The following IQCH variants were observed in gnomAD, a reference collection of about 807,000 sequenced individuals.
The protein encoded by IQCH is IQ domain-containing protein H.
A neutral mutation model predicts 117.0 loss-of-function variants in IQCH; 98 were observed. That is an observed-to-expected ratio of 0.84 (90% CI 0.71 to 0.99). IQCH has a LOEUF of 0.99. Among genes scored for constraint, IQCH ranks in the 50% least tolerant of loss-of-function variants. The probability of loss-of-function intolerance (pLI) is 0.00; values close to 1 mark genes in which losing one functional copy is unlikely to be tolerated. For synonymous variants in IQCH, 412 were observed against 448.2 expected, an observed-to-expected ratio of 0.92 and a Z score of 1.02; for missense variants, 1,102 against 1,243.8, an observed-to-expected ratio of 0.89 and a Z score of 1.72.
At position 67,256,573 on chromosome 15, in the gene IQCH, C is replaced by T. The variant is rs187732956; in HGVS notation, c.51+1626C>T. ...CATCCCAGGCGCCTAGAGATCACCT[C>T]CCAGTAGCCAGGAGCGAAGACTGGA... On this transcript the variant is annotated intron_variant, in intron 1 of 20. Transcript: ENST00000335894. Among the ~76,000 whole-genome samples, 992 of 152,300 alleles carry T rather than the reference C, an allele frequency of 6.5e-3. 5 individuals carry two copies. The highest frequency in any genetic ancestry group is 8.4e-3 in the Non-Finnish European group (571 of 68,030).
intron 16 of IQCH, among the ~76,000 whole-genome samples, chr15:67,460,617 A>G (rs2082768899): frequency 2.0e-5 from 3 of 152,136 alleles, no homozygotes; most frequent in Admixed American, 2.0e-4. Context: ...CTTAATATAA[A>G]TCTCTCTAGC....
chr15:67,255,056 ACTCC>A, intron 1 of IQCH, 109 bp downstream of exon 1: 1 of 1,049,942 alleles, frequency 9.5e-7, no homozygotes, highest in Non-Finnish European at 1.5e-6. Context: ...CCGCCCCTAG[ACTCC>A]CTCCAACTCG....
intron 20 of IQCH, among the ~76,000 whole-genome samples, chr15:67,499,805 A>T (rs1303806747): frequency 6.6e-6 from 1 of 152,204 alleles, no homozygotes; most frequent in African/African-American, 2.4e-5. Flanking sequence ...TAAAGTACTG[A>T]TCCATGCTGC....
In IQCH at chr15:67,411,498, A is replaced by G. The variant is rs918387139; in HGVS notation, c.2098-5433A>G. On this transcript the variant is annotated intron_variant, in intron 14 of 20. Coordinates refer to ENST00000335894, the MANE Select transcript of IQCH (RefSeq NM_001031715.3). This position sits in a 1 kb window ranked among gnomAD's most constrained non-coding sequence, Gnocchi z 4.4. Reference sequence around the variant, plus strand: ...CAGAAAGCATCTAGAAATCAGAACCATGTAGGCAGGTCCCTTGATTTTCTT... The same window carrying G: ...CAGAAAGCATCTAGAAATCAGAACCGTGTAGGCAGGTCCCTTGATTTTCTT... 6.6e-6 allele frequency among the ~76,000 whole-genome samples: 1 copy of G among 152,176 alleles called. No homozygotes were observed. The highest frequency in any genetic ancestry group is 2.4e-5 in the African/African-American group (1 of 41,452).
At chr15:67,421,022 T>C (rs2081723634) in intron 15 of IQCH, among the ~76,000 whole-genome samples, 1 of 152,216 alleles carries the variant, frequency 6.6e-6, no homozygotes. Flanking sequence ...TGTCTTCAAA[T>C]TATAATCAGA....
At chr15:67,323,939 CTTTTTTTTTTT>C (rs530534537) in intron 4 of IQCH, among the ~76,000 whole-genome samples, 19 of 64,366 alleles carry the variant, frequency 3.0e-4, no homozygotes, top group Non-Finnish European at 1.7e-4. Context: ...TTAAGCATTT[CTTTTTTTTTTT>C]TTTTTTTTTT....
intron 18 of IQCH, among the ~76,000 whole-genome samples, chr15:67,484,188 T>C (rs1341458988): frequency 6.6e-6 from 1 of 152,136 alleles, no homozygotes; most frequent in Non-Finnish European, 1.5e-5. Context: ...GGTAGATTAC[T>C]TGAGCCCAGG....
intron 4 of IQCH, among the ~76,000 whole-genome samples, chr15:67,301,235 T>G (rs540760129): frequency 1.3e-5 from 2 of 152,080 alleles, no homozygotes; most frequent in East Asian, 1.9e-4. Flanking sequence ...TTTATTTTTG[T>G]TTTTGAAGTC....
chr15:67,421,433 CACCGTGCCTCAGA>C lies in IQCH; in HGVS notation c.2362_2374del (p.Thr788ProfsTer21), dbSNP rs1397938368. 6.2e-7 allele frequency: 1 copy of C among 1,614,184 alleles called. No individual in the cohort carries two copies. The highest frequency in any genetic ancestry group is 1.1e-5 in the South Asian group (1 of 91,082). On this transcript the variant is annotated frameshift_variant, in exon 16 of 21. Coordinates refer to ENST00000335894, the MANE Select transcript of IQCH (RefSeq NM_001031715.3). LOFTEE classifies it high-confidence loss of function. ...AAAGCCCCTTCATCTCCTCTGGTAC[CACCGTGCCTCAGA>C]CCTCAGTGGATCCCCAAGTTCTCAC...
chr15:67,417,676 G>A lies in IQCH; in HGVS notation c.2218+625G>A, dbSNP rs998571659. Among the ~76,000 whole-genome samples, 3 of 151,996 alleles carry A rather than the reference G, an allele frequency of 2.0e-5. No homozygotes were observed. The highest frequency in any genetic ancestry group is 4.4e-5 in the Non-Finnish European group (3 of 68,012). Reference sequence around the variant, plus strand: ...CAACATTGGGTGGTCTATGAATGAGGGAATGAATGGAGTGAATGATGCCTG... The same window carrying A: ...CAACATTGGGTGGTCTATGAATGAGAGAATGAATGGAGTGAATGATGCCTG... On this transcript the variant is annotated intron_variant, in intron 15 of 20. Coordinates refer to ENST00000335894, the MANE Select transcript of IQCH (RefSeq NM_001031715.3). The surrounding 1 kb of genome is among the most constrained non-coding windows in gnomAD (Gnocchi z 4.3).
At chr15:67,392,680 G>C (rs1971326498) in intron 12 of IQCH, among the ~76,000 whole-genome samples, 1 of 150,978 alleles carries the variant, frequency 6.6e-6, no homozygotes, top group South Asian at 2.1e-4. Flanking sequence ...GAGGGGCTAA[G>C]ATGGGAGGAT....
chr15:67,309,381 G>T (rs936932896), intron 4 of IQCH, among the ~76,000 whole-genome samples: 3 of 152,080 alleles, frequency 2.0e-5, no homozygotes, highest in African/African-American at 7.2e-5. Flanking sequence ...TTCCCACACA[G>T]ATATGAGGAC....
chr15:67,258,581 ACT>A (rs1965331238), intron 1 of IQCH, among the ~76,000 whole-genome samples: 1 of 151,874 alleles, frequency 6.6e-6, no homozygotes, highest in African/African-American at 2.4e-5. Flanking sequence ...GATGAGAATG[ACT>A]CAGCCAAACT....
rs867879617 is a variant in IQCH at position 67,474,067 on chromosome 15, A to T, written c.2677-1629A>T. Among the ~76,000 whole-genome samples, 5 of 138,218 alleles carry T rather than the reference A, an allele frequency of 3.6e-5. No homozygotes were observed. The highest frequency in any genetic ancestry group is 5.4e-5 in the African/African-American group (2 of 36,966). The allele number at this position is 138,218 out of a possible 152,430, so 90.7% of individuals were successfully genotyped here. ...GTCACCAAAAGTGCCACGAAATCTG[A>T]GTGTGTGTGTGTGTGTGTGTGTGTG... On this transcript the variant is annotated intron_variant, in intron 17 of 20. Transcript: ENST00000335894. This position sits in a 1 kb window ranked among gnomAD's most constrained non-coding sequence, Gnocchi z 4.1.
chr15:67,259,158 A>G (rs1337106000), intron 1 of IQCH, among the ~76,000 whole-genome samples: 1 of 152,194 alleles, frequency 6.6e-6, no homozygotes, highest in Admixed American at 6.5e-5. Flanking sequence ...ACACTATACA[A>G]AGTACTTATA....
chr15:67,418,712 G>C (rs2081644328), intron 15 of IQCH, among the ~76,000 whole-genome samples: 1 of 151,640 alleles, frequency 6.6e-6, no homozygotes, highest in Non-Finnish European at 1.5e-5. Context: ...CTGATAGCTG[G>C]GATTACAGGT....
rs531003567 is a variant in IQCH at position 67,444,477 on chromosome 15, T to C, written c.2506-20650T>C. ...CTACTCCTTTCTCCCCCATAATAAT[T>C]TCACAATGATTAGCCTGCTAGGTGA... On this transcript the variant is annotated intron_variant, in intron 16 of 20. Coordinates refer to ENST00000335894, the MANE Select transcript of IQCH (RefSeq NM_001031715.3). Among the ~76,000 whole-genome samples, 7 of 152,190 alleles carry C rather than the reference T, an allele frequency of 4.6e-5. No homozygotes were observed. The South Asian group carries it at 1.5e-3, about 32-fold the overall frequency.
At chr15:67,318,527 A>G (rs981493608) in intron 4 of IQCH, among the ~76,000 whole-genome samples, 1 of 152,210 alleles carries the variant, frequency 6.6e-6, no homozygotes, top group Non-Finnish European at 1.5e-5. Context: ...TTTGGTTTGC[A>G]TGGAATATTA....
intron 16 of IQCH, among the ~76,000 whole-genome samples, chr15:67,437,246 C>T (rs758162191): frequency 1.3e-5 from 2 of 152,306 alleles, no homozygotes; most frequent in Non-Finnish European, 2.9e-5. Flanking sequence ...ATGCAGACAA[C>T]ACTCAGTGCC....
Sources: gnomAD v4.1 joint callset for allele counts (sites outside exome capture counted in the v4.1 genomes callset) on GRCh38, gnomAD v4.1.1 for gene constraint, Gnocchi (gnomAD v3.1) non-coding constraint, MANE v1.5 for transcripts, NCBI Gene and HGNC (gene_info 2026-07-23, HGNC 2026-07-21) for gene names.